The following TSPAN18 variants were observed in gnomAD, a reference collection of about 807,000 sequenced individuals.
The protein encoded by TSPAN18 is tetraspanin-18.
Under a neutral mutation model 27.3 loss-of-function variants are expected in TSPAN18, and 14 were observed. The ratio of observed to expected loss-of-function variants is 0.51; its 90% CI spans 0.34 to 0.80. The LOEUF (loss-of-function observed/expected upper bound fraction) is 0.80, where lower values mean the gene tolerates loss of function less well. Ranked by LOEUF, TSPAN18 falls within the 30% of genes least tolerant of loss-of-function variation. The pLI is 0.01. For missense variants in TSPAN18, 268 were observed against 323.9 expected (o/e 0.83, Z 1.32); for synonymous variants, 143 against 136.5 (o/e 1.05, Z -0.33).
chr11:44,781,813 C>T (rs1270946288), intron 2 of TSPAN18, among the ~76,000 whole-genome samples: 2 of 152,160 alleles, frequency 1.3e-5, no homozygotes. Flanking sequence ...TTCCATCAGC[C>T]CAGAAAGTTC....
At chr11:44,841,211 G>A (rs1857367164) in intron 2 of TSPAN18, among the ~76,000 whole-genome samples, 1 of 152,186 alleles carries the variant, frequency 6.6e-6, no homozygotes, top group Non-Finnish European at 1.5e-5. Flanking sequence ...AAGGTAGCCA[G>A]GAATTCATCA....
chr11:44,850,814 CTTA>C (rs1804558690), intron 2 of TSPAN18, among the ~76,000 whole-genome samples: 1 of 152,062 alleles, frequency 6.6e-6, no homozygotes, highest in African/African-American at 2.4e-5. Context: ...GCCAGCTGGC[CTTA>C]TCCCAGGTAC....
intron 3 of TSPAN18, chr11:44,901,106 T>G (rs1252045918): frequency 6.6e-6 from 1 of 152,206 alleles, no homozygotes; most frequent in African/African-American, 2.4e-5. Context: ...AATCCCCTGT[T>G]GGGCACCAAA....
chr11:44,792,753 C>T (rs1057488359), intron 2 of TSPAN18, among the ~76,000 whole-genome samples: 11 of 152,122 alleles, frequency 7.2e-5, no homozygotes, highest in South Asian at 2.1e-4. Flanking sequence ...ACCTCCACCC[C>T]GGGGAAGTAG....
intron 3 of TSPAN18, among the ~76,000 whole-genome samples, chr11:44,869,714 C>T (rs1178686508): frequency 1.3e-5 from 2 of 152,210 alleles, no homozygotes; most frequent in Non-Finnish European, 2.9e-5. Context: ...ACAGGATGCC[C>T]TGAGCTGTCA....
chr11:44,891,936 C>T (rs1858864345), intron 3 of TSPAN18, among the ~76,000 whole-genome samples: 1 of 152,196 alleles, frequency 6.6e-6, no homozygotes, highest in Admixed American at 6.5e-5. Flanking sequence ...GTGTGAATTA[C>T]CACAAGAATA....
intron 2 of TSPAN18, among the ~76,000 whole-genome samples, chr11:44,818,120 G>C (rs758943306): frequency 1.3e-5 from 2 of 152,228 alleles, no homozygotes; most frequent in Non-Finnish European, 2.9e-5. Context: ...TAAGTCAGGA[G>C]AGCAGGGAGC....
chr11:44,901,937 G>C (rs932626299), intron 3 of TSPAN18, among the ~76,000 whole-genome samples: 2 of 152,238 alleles, frequency 1.3e-5, no homozygotes, highest in African/African-American at 4.8e-5. Flanking sequence ...GTTCTGCGGA[G>C]TTGGCATGTG....
intron 2 of TSPAN18, among the ~76,000 whole-genome samples, chr11:44,852,745 C>T (rs1404918841): frequency 1.3e-5 from 2 of 152,192 alleles, no homozygotes; most frequent in Admixed American, 1.3e-4. Flanking sequence ...CTCAGCCAGA[C>T]GTGGGGGTTA....
chr11:44,798,155 G>T (rs1200809878), intron 2 of TSPAN18, among the ~76,000 whole-genome samples: 1 of 152,166 alleles, frequency 6.6e-6, no homozygotes, highest in Non-Finnish European at 1.5e-5. Flanking sequence ...AGAGGCCCGT[G>T]CCCTCCCACA....
intron 3 of TSPAN18, chr11:44,897,726 T>A: frequency 7.9e-7 from 1 of 1,270,380 alleles, no homozygotes; most frequent in South Asian, 1.2e-5. Context: ...CCTGTAGTAA[T>A]TGAATATTTT....
intron 1 of TSPAN18, among the ~76,000 whole-genome samples, chr11:44,727,682 G>A (rs1185986755): frequency 6.6e-6 from 1 of 152,192 alleles, no homozygotes; most frequent in African/African-American, 2.4e-5. Context: ...CACGCCACCC[G>A]GTAAGACAGT....
chr11:44,905,876 C>A (rs1248495197), intron 3 of TSPAN18, among the ~76,000 whole-genome samples: 1 of 152,186 alleles, frequency 6.6e-6, no homozygotes, highest in Non-Finnish European at 1.5e-5. Context: ...CCCTGCAACA[C>A]CCCATCTCGC....
At chr11:44,797,092 AGGAGGAGTGACTCATTGAT>A (rs927814672) in intron 2 of TSPAN18, among the ~76,000 whole-genome samples, 3 of 152,108 alleles carry the variant, frequency 2.0e-5, no homozygotes, top group Admixed American at 2.0e-4. Context: ...GGATGTTCCT[AGGAGGAGTGACTCATTGAT>A]GCCACAAGAA....
At chr11:44,892,819 T>C (rs556385292) in intron 3 of TSPAN18, among the ~76,000 whole-genome samples, 27 of 152,350 alleles carry the variant, frequency 1.8e-4, no homozygotes, top group Non-Finnish European at 3.5e-4. Context: ...GACTTCAGGC[T>C]AGTGAGCCGC....
rs111435408 is a variant in TSPAN18 at position 44,888,482 on chromosome 11, A to G, written c.-10-17925A>G. Among the ~76,000 whole-genome samples the G allele has an allele frequency of 1.6e-3, 243 of 152,272 alleles. 3 individuals carry two copies. Among genetic ancestry groups the G allele is most frequent in the African/African-American group, 5.6e-3 (234 of 41,530 alleles). ...ATCTAGTACCCCCTGTATTCTCTGAAGGGACTCAGAGGAAGTGGGAGAAAC... is the reference window on the plus strand; with the variant it reads ...ATCTAGTACCCCCTGTATTCTCTGAGGGGACTCAGAGGAAGTGGGAGAAAC... On this transcript the variant is annotated intron_variant, in intron 3 of 9. Coordinates refer to ENST00000520358, the MANE Select transcript of TSPAN18 (RefSeq NM_130783.5).
intron 1 of TSPAN18, among the ~76,000 whole-genome samples, chr11:44,739,758 G>A (rs532924872): frequency 6.6e-6 from 1 of 151,346 alleles, no homozygotes; most frequent in East Asian, 2.0e-4. Flanking sequence ...TCTTACACCA[G>A]TCTCTGGGCC....
At chr11:44,876,878 G>C (rs1339002980) in intron 3 of TSPAN18, among the ~76,000 whole-genome samples, 1 of 152,166 alleles carries the variant, frequency 6.6e-6, no homozygotes, top group East Asian at 1.9e-4. Context: ...ATAAAGAATT[G>C]TCTTCTGGAA....
intron 2 of TSPAN18, among the ~76,000 whole-genome samples, chr11:44,837,591 A>G (rs928411902): frequency 5.6e-4 from 85 of 152,264 alleles, no homozygotes; most frequent in Non-Finnish European, 9.6e-4. Flanking sequence ...AAATCCTATC[A>G]AACAGCATGA....
Sources: gnomAD v4.1 joint callset for allele counts (sites outside exome capture counted in the v4.1 genomes callset) on GRCh38, gnomAD v4.1.1 for gene constraint, MANE v1.5 for transcripts, NCBI Gene and HGNC (gene_info 2026-07-23, HGNC 2026-07-21) for gene names.